Variants in EYS observed in about 807,000 individuals in gnomAD.
The protein encoded by EYS is protein eyes shut homolog.
A neutral mutation model predicts 282.1 loss-of-function variants in EYS; 250 were observed. That is an observed-to-expected ratio of 0.89 (90% CI 0.80 to 0.98). EYS has a LOEUF of 0.98. Among genes scored for constraint, EYS ranks in the 50% least tolerant of loss-of-function variants. The pLI is 0.00. For synonymous variants in EYS, 1,355 were observed against 1,282.9 expected (o/e 1.06, Z -1.20); for missense variants, 4,016 against 3,709.0 (o/e 1.08, Z -2.15).
At chr6:64,469,256 C>T (rs1380041108) in intron 26 of EYS, among the ~76,000 whole-genome samples, 1 of 152,114 alleles carries the variant, frequency 6.6e-6, no homozygotes, top group African/African-American at 2.4e-5. Flanking sequence ...TGCTAAGCAA[C>T]TCTAATAATA....
chr6:64,446,636 A>G (rs946992131), intron 26 of EYS, among the ~76,000 whole-genome samples: 1 of 152,024 alleles, frequency 6.6e-6, no homozygotes, highest in African/African-American at 2.4e-5. Flanking sequence ...TTTTATAGTT[A>G]GTGTTTCTAT....
rs186171648 is a variant in EYS, at chr6:64,321,530, G to A, written c.6079-14448C>T. 4.0e-3 allele frequency among the ~76,000 whole-genome samples: 607 copies of A among 151,896 alleles called. 5 individuals carry two copies. The highest frequency in any genetic ancestry group is 0.013 in the African/African-American group (539 of 41,492). ...AATTAATGACTTTAATAAATTACAC[G>A]TGGGCCATAAAGGAGAAAACAGAAA... On this transcript the variant is annotated intron_variant, in intron 29 of 42. Transcript: ENST00000503581.
rs73743913 is a variant in EYS at position 65,492,515 on chromosome 6, C to T, written c.749-1808G>A. Among the ~76,000 whole-genome samples the T allele has an allele frequency of 6.8e-3, 1,035 of 152,278 alleles. 17 individuals are homozygous for T. The highest frequency in any genetic ancestry group is 0.023 in the African/African-American group (969 of 41,558). On this transcript the variant is annotated intron_variant, in intron 4 of 42. Transcript: ENST00000503581. ...GCATACACGCAAATTAATATTCTGA[C>T]ACATGGTAGAAATTTTCTGGCCAAA... is the stretch of plus-strand genomic sequence containing the variant.
chr6:64,321,104 T>C (rs1770205404), intron 29 of EYS, among the ~76,000 whole-genome samples: 1 of 151,778 alleles, frequency 6.6e-6, no homozygotes, highest in African/African-American at 2.4e-5. Flanking sequence ...TGTATTACCT[T>C]TTAAATTTAA....
intron 2 of EYS, among the ~76,000 whole-genome samples, chr6:65,566,170 T>C (rs1769273360): frequency 6.6e-6 from 1 of 152,016 alleles, no homozygotes; most frequent in Non-Finnish European, 1.5e-5. Context: ...TGACTTTCCT[T>C]GGGGACATGT....
At chr6:64,779,282 T>C (rs1424479339) in intron 22 of EYS, among the ~76,000 whole-genome samples, 1 of 152,164 alleles carries the variant, frequency 6.6e-6, no homozygotes, top group Non-Finnish European at 1.5e-5. Flanking sequence ...AACTGAAGTA[T>C]ATCTATACAA....
chr6:65,332,110 T>C, intron 11 of EYS: 1 of 419,808 alleles, frequency 2.4e-6, no homozygotes, highest in Non-Finnish European at 4.3e-6. Context: ...ATGTTAGTTA[T>C]GTTTCTTCAT....
chr6:64,029,861 T>C (rs964539650), intron 33 of EYS, among the ~76,000 whole-genome samples: 1 of 152,234 alleles, frequency 6.6e-6, no homozygotes, highest in Non-Finnish European at 1.5e-5. Flanking sequence ...GCAAGTATGC[T>C]TATCTAATCC....
chr6:64,870,662 G>A (rs1007891532), intron 19 of EYS, among the ~76,000 whole-genome samples: 3 of 151,648 alleles, frequency 2.0e-5, no homozygotes, highest in African/African-American at 7.3e-5. Flanking sequence ...TCTTAAAGAT[G>A]CTTAAGAAGT....
At chr6:65,617,159 T>C (rs569928652) in intron 2 of EYS, among the ~76,000 whole-genome samples, 1 of 152,202 alleles carries the variant, frequency 6.6e-6, no homozygotes, top group Admixed American at 6.5e-5. Flanking sequence ...ACATCAAGAG[T>C]GTTAGAAACC....
At chr6:64,792,550 G>C (rs2150001442) in intron 22 of EYS, among the ~76,000 whole-genome samples, 1 of 151,874 alleles carries the variant, frequency 6.6e-6, no homozygotes, top group African/African-American at 2.4e-5. Context: ...ACATTAATTT[G>C]GAGTTCTAAT....
chr6:65,360,234 T>C (rs185272609), intron 8 of EYS, among the ~76,000 whole-genome samples: 2 of 152,128 alleles, frequency 1.3e-5, no homozygotes, highest in Non-Finnish European at 2.9e-5. Context: ...TATCTTATTC[T>C]ATCCAATTTA....
intron 14 of EYS, among the ~76,000 whole-genome samples, chr6:64,997,356 TATA>T (rs1476203859): frequency 6.6e-6 from 1 of 152,142 alleles, no homozygotes; most frequent in African/African-American, 2.4e-5. Context: ...CAGTTTGTTA[TATA>T]ATATTTAAAC....
At chr6:63,840,264 C>A (rs1771922611) in intron 36 of EYS, among the ~76,000 whole-genome samples, 1 of 149,466 alleles carries the variant, frequency 6.7e-6, no homozygotes, top group Non-Finnish European at 1.5e-5. Context: ...CAGGGTTTCG[C>A]TGTGTTAGCC....
chr6:65,140,142 T>G (rs1335689688), intron 12 of EYS, among the ~76,000 whole-genome samples: 1 of 151,882 alleles, frequency 6.6e-6, no homozygotes, highest in Non-Finnish European at 1.5e-5. Context: ...ATAAAGGTGT[T>G]TGAAAAAATA....
At chr6:64,826,161 A>G (rs1045858162) in intron 19 of EYS, among the ~76,000 whole-genome samples, 1 of 151,860 alleles carries the variant, frequency 6.6e-6, no homozygotes, top group African/African-American at 2.4e-5. Context: ...GACTCCTTGC[A>G]TAGTTCCCTT....
intron 22 of EYS, among the ~76,000 whole-genome samples, chr6:64,628,754 A>C (rs1380272098): frequency 6.6e-6 from 1 of 152,196 alleles, no homozygotes; most frequent in Non-Finnish European, 1.5e-5. Flanking sequence ...TTTCATTGCA[A>C]AGGAAAAAAA....
chr6:65,254,740 A>C (rs1767415318), intron 12 of EYS, among the ~76,000 whole-genome samples: 2 of 151,850 alleles, frequency 1.3e-5, no homozygotes, highest in South Asian at 4.1e-4. Context: ...GCCTTGCGGA[A>C]TAATGTTTCT....
intron 33 of EYS, among the ~76,000 whole-genome samples, chr6:64,025,812 C>A (rs1005769575): frequency 6.6e-6 from 1 of 152,194 alleles, no homozygotes; most frequent in Non-Finnish European, 1.5e-5. Context: ...TTCCCTCCCT[C>A]AGGGTATGGC....
Sources: allele counts gnomAD v4.1 joint callset (sites outside exome capture counted in the v4.1 genomes callset), GRCh38; gene constraint gnomAD v4.1.1; transcripts MANE v1.5; gene names NCBI Gene and HGNC (gene_info 2026-07-23, HGNC 2026-07-21).